The following PHACTR3 variants were observed in gnomAD, a reference collection of about 807,000 sequenced individuals.
The protein encoded by PHACTR3 is protein phosphatase 1, regulatory subunit 123.
In PHACTR3, 16 loss-of-function variants were observed where a neutral mutation model predicts 66.8. The observed-to-expected ratio is 0.24, with a 90% confidence interval of 0.16 to 0.36. The LOEUF (loss-of-function observed/expected upper bound fraction) is 0.36, where lower values mean the gene tolerates loss of function less well. Ranked by LOEUF, PHACTR3 falls within the 10% of genes least tolerant of loss-of-function variation. The probability of loss-of-function intolerance (pLI) is 1.00; values close to 1 mark genes in which losing one functional copy is unlikely to be tolerated. For synonymous variants in PHACTR3, 323 were observed against 292.1 expected (o/e 1.11, Z -1.08); for missense variants, 647 against 719.9 (o/e 0.90, Z 1.16).
chr20:59,598,758 G>A (rs890903640), intron 1 of PHACTR3, among the ~76,000 whole-genome samples: 6 of 152,212 alleles, frequency 3.9e-5, no homozygotes, highest in African/African-American at 1.2e-4. Flanking sequence ...TCAAGGCTAC[G>A]TCGTCAAGCC....
intron 1 of PHACTR3, among the ~76,000 whole-genome samples, chr20:59,663,996 T>G (rs941017327): frequency 6.6e-6 from 1 of 152,242 alleles, no homozygotes; most frequent in Non-Finnish European, 1.5e-5. Context: ...TGTTACTCTT[T>G]AGCATAATTT....
intron 7 of PHACTR3, among the ~76,000 whole-genome samples, chr20:59,787,781 A>C (rs1294281967): frequency 1.3e-5 from 2 of 152,168 alleles, no homozygotes; most frequent in Admixed American, 6.5e-5. Flanking sequence ...ACTGGTTTAC[A>C]GCTACTGTAT....
chr20:59,817,102 T>A (rs768551902), intron 8 of PHACTR3, among the ~76,000 whole-genome samples: 7 of 152,230 alleles, frequency 4.6e-5, no homozygotes, highest in Non-Finnish European at 1.5e-5. Flanking sequence ...GTACAATAAG[T>A]GTTTATTGAA....
At chr20:59,653,248 C>T (rs2035514836) in intron 1 of PHACTR3, among the ~76,000 whole-genome samples, 1 of 151,382 alleles carries the variant, frequency 6.6e-6, no homozygotes, top group African/African-American at 2.4e-5. Context: ...GCAGTGGCAC[C>T]ATCTCTGCTC....
intron 11 of PHACTR3, among the ~76,000 whole-genome samples, chr20:59,842,789 T>C (rs919993587): frequency 1.3e-5 from 2 of 152,108 alleles, no homozygotes; most frequent in Admixed American, 1.3e-4. Context: ...TCCGTTTAGG[T>C]ATGGAGTGAA....
intron 7 of PHACTR3, among the ~76,000 whole-genome samples, chr20:59,785,544 T>A (rs900655290): frequency 6.6e-6 from 1 of 152,120 alleles, no homozygotes; most frequent in Non-Finnish European, 1.5e-5. Context: ...TTCTTGCAGC[T>A]GTGGGCCCCT....
Position 59,755,269 on chromosome 20 carries a change from C to T in PHACTR3, c.446C>T (p.Ser149Leu), listed in dbSNP as rs1230939134. 9 of 1,613,762 alleles carry T rather than the reference C, an allele frequency of 5.6e-6. No homozygotes were observed. Among genetic ancestry groups the T allele is most frequent in the African/African-American group, 1.3e-5 (1 of 74,940 alleles). ...ACTCCCAAGTCGGAGACGCTGACTT[C>T]AGAAGATGCCCAGCCCGGAAGCCCC... ...PPTPKSETLTSEDAQPGSPLA... is the reference protein window; with the variant it reads ...PPTPKSETLTLEDAQPGSPLA... The change falls in exon 4 of 13, where the codon TCA becomes TTA. Residue 149 changes from serine (S) to leucine (L), a missense_variant. By Grantham distance (145) the Ser-to-Leu change is moderately radical. Transcript: ENST00000371015.
At chr20:59,773,036 T>C (rs2040408157) in intron 5 of PHACTR3, among the ~76,000 whole-genome samples, 1 of 152,120 alleles carries the variant, frequency 6.6e-6, no homozygotes, top group Non-Finnish European at 1.5e-5. Flanking sequence ...ATGCTGGTGC[T>C]GGTGTCTGCA....
chr20:59,692,684 C>T (rs994674575), intron 1 of PHACTR3, among the ~76,000 whole-genome samples: 1 of 152,230 alleles, frequency 6.6e-6, no homozygotes, highest in East Asian at 1.9e-4. Flanking sequence ...TGGTTCCCTG[C>T]TAGACCGTGC....
intron 4 of PHACTR3, among the ~76,000 whole-genome samples, chr20:59,757,617 G>C (rs117565181): frequency 0.022 from 3,391 of 152,260 alleles, 59 homozygotes; most frequent in Non-Finnish European, 0.035. Flanking sequence ...AGCGTCGGTG[G>C]TGAAAGGGTG....
At chr20:59,737,683 A>G (rs1167788273) in intron 1 of PHACTR3, among the ~76,000 whole-genome samples, 8 of 152,164 alleles carry the variant, frequency 5.3e-5, no homozygotes, top group Non-Finnish European at 8.8e-5. Context: ...AGGACTGTCT[A>G]AATTCATACC....
chr20:59,652,848 C>T (rs947938308), intron 1 of PHACTR3, among the ~76,000 whole-genome samples: 1 of 151,856 alleles, frequency 6.6e-6, no homozygotes, highest in Non-Finnish European at 1.5e-5. Flanking sequence ...AAAAAAAAAT[C>T]GGGATATTTT....
chr20:59,680,214 A>G (rs780666130), intron 1 of PHACTR3, among the ~76,000 whole-genome samples: 28 of 152,166 alleles, frequency 1.8e-4, no homozygotes, highest in Non-Finnish European at 2.6e-4. Context: ...GGAAGGTACC[A>G]GGTTCAAGAG....
chr20:59,616,944 G>A (rs930746873), intron 1 of PHACTR3, among the ~76,000 whole-genome samples: 15 of 152,140 alleles, frequency 9.9e-5, no homozygotes, highest in African/African-American at 3.1e-4. Flanking sequence ...ATTCACCTGG[G>A]CTGGCTTTCC....
intron 1 of PHACTR3, among the ~76,000 whole-genome samples, chr20:59,647,125 T>G (rs1396751839): frequency 1.3e-5 from 2 of 152,180 alleles, no homozygotes; most frequent in African/African-American, 2.4e-5. Context: ...AGAAGTTTAA[T>G]GGACTCCACA....
At chr20:59,692,375 TA>T (rs1222792109) in intron 1 of PHACTR3, among the ~76,000 whole-genome samples, 1 of 152,200 alleles carries the variant, frequency 6.6e-6, no homozygotes, top group Admixed American at 6.5e-5. Flanking sequence ...ACCATCAACT[TA>T]TAAATAGCCT....
intron 11 of PHACTR3, 49 bp from the exon 12 acceptor site, chr20:59,845,140 C>A: frequency 8.4e-7 from 1 of 1,193,128 alleles, no homozygotes; most frequent in Non-Finnish European, 1.2e-6. Context: ...TGCTAATTTC[C>A]TGATTTTTTT....
intron 3 of PHACTR3, among the ~76,000 whole-genome samples, chr20:59,748,987 T>C (rs955137905): frequency 6.6e-6 from 1 of 151,968 alleles, no homozygotes; most frequent in African/African-American, 2.4e-5. Flanking sequence ...ACTCGAAGAG[T>C]GAAGTATTTT....
At chr20:59,656,811 G>A (rs977053303) in intron 1 of PHACTR3, among the ~76,000 whole-genome samples, 8 of 150,836 alleles carry the variant, frequency 5.3e-5, no homozygotes, top group Non-Finnish European at 8.9e-5. Flanking sequence ...TATTTTCTTA[G>A]TGGTTGCTGT....
Sources: allele counts gnomAD v4.1 joint callset (sites outside exome capture counted in the v4.1 genomes callset), GRCh38; gene constraint gnomAD v4.1.1; transcripts MANE v1.5; gene names NCBI Gene and HGNC (gene_info 2026-07-23, HGNC 2026-07-21).